The following CABCOCO1 variants were observed in gnomAD, a reference collection of about 807,000 sequenced individuals.
CABCOCO1 encodes ciliary-associated calcium-binding coiled-coil protein 1.
CABCOCO1 carries 28 observed loss-of-function variants against 35.7 expected under a neutral mutation model. The observed-to-expected ratio is 0.78, with a 90% CI of 0.58 to 1.07. The LOEUF is 1.07. CABCOCO1 is among the 50% of genes least tolerant of loss of function. CABCOCO1 has a pLI of 0.00. For synonymous variants in CABCOCO1, 95 were observed against 100.1 expected, an observed-to-expected ratio of 0.95 and a Z score of 0.30; for missense variants, 326 against 309.2, an observed-to-expected ratio of 1.05 and a Z score of -0.41.
chr10:61,665,261 G>A (rs1564526710), intron 1 of CABCOCO1, among the ~76,000 whole-genome samples: 2 of 152,152 alleles, frequency 1.3e-5, no homozygotes, highest in Non-Finnish European at 2.9e-5. Context: ...TACTCTATGA[G>A]TTACTGTGAA....
intron 1 of CABCOCO1, among the ~76,000 whole-genome samples, chr10:61,665,521 T>C (rs1462506599): frequency 2.0e-5 from 3 of 151,366 alleles, no homozygotes; most frequent in Non-Finnish European, 2.9e-5. Context: ...TATAAATGTG[T>C]ACTTGGAATT....
chr10:61,693,989 A>G (rs1003692085), intron 5 of CABCOCO1, among the ~76,000 whole-genome samples: 1 of 151,972 alleles, frequency 6.6e-6, no homozygotes, highest in African/African-American at 2.4e-5. Flanking sequence ...ACAAACACAA[A>G]ACAGTTATGA....
In CABCOCO1 at chr10:61,680,686, TGTATAAC is replaced by T. The variant is rs1489113027; in HGVS notation, c.165-456_165-450del. ...ACATGTATAACATATATGTTATACATGTATAACATATATATGTTATACATGTATAACA... is the reference window on the plus strand; with the variant it reads ...ACATGTATAACATATATGTTATACATATATATATGTTATACATGTATAACA... On this transcript the variant is annotated intron_variant, in intron 2 of 7. Coordinates refer to ENST00000648843, the MANE Select transcript of CABCOCO1 (RefSeq NM_001366906.2). Among the ~76,000 whole-genome samples, 2 of 78,670 alleles carry T rather than the reference TGTATAAC, an allele frequency of 2.5e-5. 1 individual carries two copies. The highest frequency in any genetic ancestry group is 1.1e-4 in the African/African-American group (2 of 18,254). The allele number at this position is 78,670 out of a possible 152,430, so 51.6% of individuals were successfully genotyped here. A position where few individuals can be genotyped will look rare whatever the true frequency, so the allele number is the denominator to read the frequency against.
intron 5 of CABCOCO1, among the ~76,000 whole-genome samples, chr10:61,699,685 A>T (rs1840398490): frequency 6.6e-6 from 1 of 152,116 alleles, no homozygotes; most frequent in Admixed American, 6.6e-5. Flanking sequence ...AGGAAGGAAT[A>T]AAAAGTGCTT....
intron 7 of CABCOCO1, among the ~76,000 whole-genome samples, chr10:61,762,785 C>T (rs772178517): frequency 1.1e-4 from 17 of 152,026 alleles, no homozygotes; most frequent in Non-Finnish European, 2.1e-4. Flanking sequence ...CTAATTCCAG[C>T]GTTATCCACA....
intron 1 of CABCOCO1, among the ~76,000 whole-genome samples, chr10:61,671,310 G>C (rs1839352771): frequency 6.6e-6 from 1 of 151,744 alleles, no homozygotes; most frequent in Non-Finnish European, 1.5e-5. Flanking sequence ...GGGTGACAGA[G>C]TGAGGCTCCG....
chr10:61,760,308 T>A (rs1451393144), intron 6 of CABCOCO1, 127 bp downstream of exon 6: 1 of 1,284,566 alleles, frequency 7.8e-7, no homozygotes, highest in Non-Finnish European at 1.1e-6. Context: ...ATACAAATAT[T>A]TCTCTAAGTG....
intron 5 of CABCOCO1, among the ~76,000 whole-genome samples, chr10:61,724,962 A>T (rs1190680720): frequency 6.6e-6 from 1 of 152,192 alleles, no homozygotes. Context: ...AAAGTATAAT[A>T]AAACAGGTTC....
intron 5 of CABCOCO1, among the ~76,000 whole-genome samples, chr10:61,699,410 CT>C (rs1444575529): frequency 6.6e-6 from 1 of 152,128 alleles, no homozygotes; most frequent in African/African-American, 2.4e-5. Flanking sequence ...CACATGACAT[CT>C]CAACTCTTGA....
At chr10:61,679,692 G>T (rs1006445749) in intron 2 of CABCOCO1, among the ~76,000 whole-genome samples, 1 of 152,050 alleles carries the variant, frequency 6.6e-6, no homozygotes, top group Non-Finnish European at 1.5e-5. Flanking sequence ...GGTAAACAAA[G>T]AATATGCATT....
chr10:61,663,607 G>A (rs1047319140), intron 1 of CABCOCO1, among the ~76,000 whole-genome samples: 1 of 147,824 alleles, frequency 6.8e-6, no homozygotes, highest in African/African-American at 2.5e-5. Flanking sequence ...GACACTGGCT[G>A]GAAAATCTTC....
intron 2 of CABCOCO1, among the ~76,000 whole-genome samples, chr10:61,679,325 ATATCTATCTAT>A (rs1839630694): frequency 7.4e-6 from 1 of 134,234 alleles, no homozygotes; most frequent in African/African-American, 2.7e-5. Context: ...ATCTATATCT[ATATCTATCTAT>A]ATCTATCTAT....
chr10:61,740,901 C>T (rs899469346), intron 5 of CABCOCO1, among the ~76,000 whole-genome samples: 1 of 152,130 alleles, frequency 6.6e-6, no homozygotes. Context: ...AATCCCAACA[C>T]TTTGGGAGGC....
chr10:61,673,185 T>C (rs1481295012), intron 2 of CABCOCO1, among the ~76,000 whole-genome samples: 2 of 152,222 alleles, frequency 1.3e-5, no homozygotes, highest in Non-Finnish European at 2.9e-5. Flanking sequence ...TCAGAAATAA[T>C]GCTATACTAA....
chr10:61,760,268 T>C, intron 6 of CABCOCO1, 87 bp downstream of exon 6: 1 of 1,468,378 alleles, frequency 6.8e-7, no homozygotes. Context: ...GTTTTCTTCA[T>C]TTTCTTTGCC....
intron 7 of CABCOCO1, among the ~76,000 whole-genome samples, chr10:61,761,652 T>G (rs1057492176): frequency 1.3e-5 from 2 of 152,148 alleles, no homozygotes; most frequent in Non-Finnish European, 2.9e-5. Flanking sequence ...AATGATTAAA[T>G]AAGTAAAATG....
chr10:61,694,501 C>T (rs540033419), intron 5 of CABCOCO1, among the ~76,000 whole-genome samples: 1 of 151,528 alleles, frequency 6.6e-6, no homozygotes, highest in African/African-American at 2.4e-5. Flanking sequence ...TTACCTTATA[C>T]CGAACTTAAA....
At chr10:61,759,154 A>G (rs1184322114) in intron 5 of CABCOCO1, among the ~76,000 whole-genome samples, 1 of 152,022 alleles carries the variant, frequency 6.6e-6, no homozygotes, top group African/African-American at 2.4e-5. Flanking sequence ...GGGCCACAAT[A>G]ACAAGCTCCT....
At chr10:61,676,628 T>A (rs1268563805) in intron 2 of CABCOCO1, among the ~76,000 whole-genome samples, 1 of 152,112 alleles carries the variant, frequency 6.6e-6, no homozygotes, top group Non-Finnish European at 1.5e-5. Context: ...ACAAAATGCT[T>A]TTAAAAACTT....
Sources: gnomAD v4.1 joint callset for allele counts (sites outside exome capture counted in the v4.1 genomes callset) on GRCh38, gnomAD v4.1.1 for gene constraint, MANE v1.5 for transcripts, NCBI Gene and HGNC (gene_info 2026-07-23, HGNC 2026-07-21) for gene names.